The following DIMT1 variants were observed in gnomAD, a reference collection of about 807,000 sequenced individuals.
The protein encoded by DIMT1 is dimethyladenosine transferase.
In DIMT1, 36 loss-of-function variants were observed where a neutral mutation model predicts 43.2. The ratio of observed to expected loss-of-function variants is 0.83; its 90% CI spans 0.64 to 1.10. The LOEUF (loss-of-function observed/expected upper bound fraction) is 1.10. Ranked by LOEUF, DIMT1 falls within the 50% of genes least tolerant of loss-of-function variation. The probability of loss-of-function intolerance (pLI) is 0.00; values close to 1 mark genes in which losing one functional copy is unlikely to be tolerated. For synonymous variants in DIMT1, 126 were observed against 130.3 expected (o/e 0.97, Z 0.22); for missense variants, 341 against 385.3 (o/e 0.88, Z 0.96).
chr5:62,401,029 G>T (rs958239107), intron 3 of DIMT1, among the ~76,000 whole-genome samples: 5 of 152,176 alleles, frequency 3.3e-5, no homozygotes, highest in Admixed American at 2.6e-4. Context: ...GGGATTACAG[G>T]TGTGAGCCAC....
Position 62,390,972 on chromosome 5 carries a change from T to G in DIMT1, c.803A>C (p.Glu268Ala). The G allele has an allele frequency of 1.2e-6, 2 of 1,612,676 alleles. No individual in the cohort carries two copies. The highest frequency in any genetic ancestry group is 1.7e-6 in the Non-Finnish European group (2 of 1,179,042). ...TATTTTATCTGCTATGCTGAAATCT[T>G]CTGGTATTATCTATCAATATAAGAT... ...HCSVHNIIIP[E>A]DFSIADKIQQ... Residue 268 changes from glutamate to alanine, a missense_variant, in exon 11 of 12, where the codon GAA (glutamate) becomes GCA (alanine). Glu to Ala is a moderately radical substitution (Grantham distance 107). Coordinates refer to ENST00000199320, the MANE Select transcript of DIMT1 (RefSeq NM_014473.4).
Position 62,391,064 on chromosome 5 carries a change from A to T in DIMT1, c.793-82T>A, listed in dbSNP as rs149430822. ...ACTCTTTTTTTTAGTTCAGTAAGTC[A>T]TAAAATAGTCACCTTTAATATATCT... On this transcript the variant is annotated intron_variant, in intron 10 of 11. Transcript: ENST00000199320. 248 of 1,117,258 alleles carry T rather than the reference A, an allele frequency of 2.2e-4. 4 individuals carry two copies. The African/African-American group carries it at 2.7e-3, about 12-fold the overall frequency. The allele number at this position is 1,117,258 out of a possible 1,614,324, so 69.2% of individuals were successfully genotyped here. A position where few individuals can be genotyped will look rare whatever the true frequency, so the allele number is the denominator to read the frequency against.
intron 2 of DIMT1, among the ~76,000 whole-genome samples, chr5:62,402,898 G>A (rs943580132): frequency 1.3e-5 from 2 of 152,152 alleles, no homozygotes; most frequent in Non-Finnish European, 2.9e-5. Context: ...TTTATATGTA[G>A]TACTATATGT....
Position 62,403,733 on chromosome 5 carries a change from C to T in DIMT1, c.40G>A (p.Gly14Arg), listed in dbSNP as rs748836628. ...VKSGAIGRRR[G>R]RQEQRRELKS... is the part of the protein sequence containing the mutation. ...AGCTCCCGGCGCTGCTCCTGCCGCC[C>T]GCGGCGGCGGCCGATGGCCCCCGAC... Residue 14 changes from glycine to arginine, a missense_variant, in exon 1 of 12, where the codon GGG becomes AGG. By Grantham distance (125) the Gly-to-Arg change is moderately radical (BLOSUM62 -2). Coordinates refer to ENST00000199320, the MANE Select transcript of DIMT1 (RefSeq NM_014473.4). 5 of 1,609,530 alleles carry T rather than the reference C, an allele frequency of 3.1e-6. No homozygotes were observed. Among genetic ancestry groups the T allele is most frequent in the Admixed American group, 1.7e-5 (1 of 59,806 alleles).
At chr5:62,399,003 A>G in intron 3 of DIMT1, 122 bp from the exon 4 acceptor site, 1 of 828,478 alleles carries the variant, frequency 1.2e-6, no homozygotes, top group Non-Finnish European at 1.9e-6. Flanking sequence ...TCTACCATCA[A>G]TATTCCTTTA....
In DIMT1 at chr5:62,389,072, TG is replaced by T; in HGVS notation, c.900-21del. 6.2e-7 allele frequency: 1 copy of T among 1,608,602 alleles called. No individual in the cohort carries two copies. Among genetic ancestry groups the T allele is most frequent in the Non-Finnish European group, 8.5e-7 (1 of 1,176,804 alleles). On this transcript the variant is annotated intron_variant, in intron 11 of 11. Coordinates refer to ENST00000199320, the MANE Select transcript of DIMT1 (RefSeq NM_014473.4). ...AGCAATCTGAAAAAAGAAATCAAAA[TG>T]GAATGGTACTGAAAAGCTAATTTGT...
intron 8 of DIMT1, among the ~76,000 whole-genome samples, chr5:62,393,238 A>AT (rs542695581): frequency 7.0e-4 from 104 of 148,680 alleles, no homozygotes; most frequent in Non-Finnish European, 9.7e-4. Context: ...AAGCATGACA[A>AT]TTTTTTTTTT....
At chr5:62,395,999 GAAA>G (rs1348972812) in intron 6 of DIMT1, among the ~76,000 whole-genome samples, 1 of 150,668 alleles carries the variant, frequency 6.6e-6, no homozygotes, top group Non-Finnish European at 1.5e-5. Flanking sequence ...CTCAGAAAAA[GAAA>G]AAAAAGAAAA....
In DIMT1 at chr5:62,394,501, C is replaced by T; in HGVS notation, c.553G>A (p.Val185Met). 2 of 1,614,180 alleles carry T rather than the reference C, an allele frequency of 1.2e-6. No individual in the cohort carries two copies. The highest frequency in any genetic ancestry group is 1.7e-6 in the Non-Finnish European group (2 of 1,180,040). The change falls in exon 7 of 12, where the codon GTG becomes ATG. Residue 185 changes from valine (V) to methionine (M), a missense_variant. Coordinates refer to ENST00000199320, the MANE Select transcript of DIMT1 (RefSeq NM_014473.4). ...TCACTTACTTTCATTAGATGGTCCA[C>T]ACGTGCCAACAGCTGTGTATTAATT... ...LSINTQLLAR[V>M]DHLMKVGKNN... is the part of the protein sequence containing the mutation.
intron 6 of DIMT1, 169 bp downstream of exon 6, chr5:62,398,342 C>T (rs1243006425): frequency 1.5e-6 from 1 of 653,242 alleles, no homozygotes; most frequent in Non-Finnish European, 2.7e-6. Context: ...GCACACTACC[C>T]CCAAATAACC....
chr5:62,403,542 G>A (rs1742788059), intron 1 of DIMT1, 152 bp downstream of exon 1: 3 of 1,001,788 alleles, frequency 3.0e-6, no homozygotes, highest in Non-Finnish European at 4.4e-6. Flanking sequence ...CGCAGGGCCT[G>A]CGGCCGAGTC....
chr5:62,392,023 C>A, intron 10 of DIMT1, 148 bp downstream of exon 10: 5 of 1,551,190 alleles, frequency 3.2e-6, no homozygotes, highest in African/African-American at 1.4e-5. Context: ...GAATTCAAGT[C>A]AAAATTGTGC....
chr5:62,391,042 C>T, intron 10 of DIMT1, 60 bp from the exon 11 acceptor site: 2 of 1,410,156 alleles, frequency 1.4e-6, no homozygotes, highest in Non-Finnish European at 2.0e-6. Flanking sequence ...CACCTTGACT[C>T]TTTTTTTTAG....
At chr5:62,398,952 G>C in intron 3 of DIMT1, 71 bp from the exon 4 acceptor site, 14 of 1,177,070 alleles carry the variant, frequency 1.2e-5, no homozygotes, top group Non-Finnish European at 1.7e-5. Flanking sequence ...ATCCCAACAG[G>C]AACTCTTACA....
At chr5:62,398,397 T>C in intron 6 of DIMT1, 114 bp downstream of exon 6, 1 of 1,016,498 alleles carries the variant, frequency 9.8e-7, no homozygotes. Flanking sequence ...CAACATTTTC[T>C]ACAAAAATTC....
At chr5:62,403,429 T>C in intron 1 of DIMT1, 83 bp from the exon 2 acceptor site, 3 of 1,349,644 alleles carry the variant, frequency 2.2e-6, no homozygotes, top group East Asian at 2.3e-5. Flanking sequence ...TGCATGGGTA[T>C]GGGGAAGATT....
intron 1 of DIMT1, among the ~76,000 whole-genome samples, 164 bp downstream of exon 1, chr5:62,403,530 C>A (rs968599410): frequency 6.6e-6 from 1 of 152,246 alleles, no homozygotes; most frequent in Non-Finnish European, 1.5e-5. Context: ...TCAGCGGCGA[C>A]GCGCAGGGCC....
chr5:62,392,315 A>G, intron 9 of DIMT1, 81 bp from the exon 10 acceptor site: 14 of 1,076,448 alleles, frequency 1.3e-5, no homozygotes, highest in Non-Finnish European at 2.0e-5. Context: ...TTTTTTAACT[A>G]ATACATAAGC....
intron 3 of DIMT1, among the ~76,000 whole-genome samples, chr5:62,401,287 G>A (rs1473643646): frequency 2.0e-5 from 3 of 151,898 alleles, no homozygotes; most frequent in Admixed American, 1.3e-4. Context: ...CCTGAGGTCA[G>A]GAGTTTAAGA....
Sources: gnomAD v4.1 joint callset for allele counts (sites outside exome capture counted in the v4.1 genomes callset) on GRCh38, gnomAD v4.1.1 for gene constraint, MANE v1.5 for transcripts, NCBI Gene and HGNC (gene_info 2026-07-23, HGNC 2026-07-21) for gene names.